VIRMA: variants seen among roughly 807,000 people sequenced by gnomAD.
VIRMA encodes the protein protein virilizer homolog.
VIRMA carries 65 observed loss-of-function variants against 182.4 expected under a neutral mutation model. The observed-to-expected ratio is 0.36, with a 90% CI of 0.29 to 0.44. The LOEUF is 0.44. Ranked by LOEUF, VIRMA falls within the 20% of genes least tolerant of loss-of-function variation. The probability of loss-of-function intolerance (pLI) is 1.00; values close to 1 mark genes in which losing one functional copy is unlikely to be tolerated. For synonymous variants in VIRMA, 709 were observed against 743.1 expected (o/e 0.95, Z 0.75); for missense variants, 1,752 against 2,158.1 (o/e 0.81, Z 3.73).
At chr8:94,545,528 T>C (rs1815728415) in intron 1 of VIRMA, among the ~76,000 whole-genome samples, 2 of 152,238 alleles carry the variant, frequency 1.3e-5, no homozygotes, top group African/African-American at 4.8e-5. Context: ...ATTTATTAAA[T>C]GTCGACTATG....
At chr8:94,532,526 C>T (rs1282953945) in intron 5 of VIRMA, among the ~76,000 whole-genome samples, 1 of 152,170 alleles carries the variant, frequency 6.6e-6, no homozygotes, top group Non-Finnish European at 1.5e-5. Flanking sequence ...GAATAAGCTC[C>T]ATAGATTACA....
intron 22 of VIRMA, among the ~76,000 whole-genome samples, chr8:94,490,653 C>T (rs980064120): frequency 2.0e-5 from 3 of 151,982 alleles, no homozygotes; most frequent in African/African-American, 7.2e-5. Context: ...TCGAGACCAG[C>T]CCGGCCAACA....
intron 8 of VIRMA, among the ~76,000 whole-genome samples, chr8:94,525,976 C>G (rs1006289873): frequency 1.3e-5 from 2 of 152,218 alleles, no homozygotes; most frequent in African/African-American, 4.8e-5. Context: ...CATGCTTATA[C>G]AAGCATCATT....
At chr8:94,541,195 C>T (rs1377140840) in intron 2 of VIRMA, among the ~76,000 whole-genome samples, 1 of 151,432 alleles carries the variant, frequency 6.6e-6, no homozygotes, top group Non-Finnish European at 1.5e-5. Context: ...AATCACAGCT[C>T]ACTGCAACTC....
At chr8:94,501,641 T>G (rs1407898827) in intron 16 of VIRMA, among the ~76,000 whole-genome samples, 1 of 152,184 alleles carries the variant, frequency 6.6e-6, no homozygotes. Flanking sequence ...TAGAATTCAC[T>G]TCTGGTACTG....
chr8:94,503,587 G>A (rs1051735525), intron 16 of VIRMA, among the ~76,000 whole-genome samples: 4 of 152,112 alleles, frequency 2.6e-5, no homozygotes, highest in African/African-American at 9.7e-5. Flanking sequence ...TTGGATCCTG[G>A]AACAGGAAAA....
chr8:94,530,496 C>CAAA (rs35685716), intron 6 of VIRMA, among the ~76,000 whole-genome samples: 1 of 79,074 alleles, frequency 1.3e-5, no homozygotes, highest in African/African-American at 4.1e-5. Flanking sequence ...AAACCTGTCT[C>CAAA]AAAAAAAAAA....
intron 6 of VIRMA, 33 bp downstream of exon 6, chr8:94,530,930 G>T: frequency 6.3e-7 from 1 of 1,586,766 alleles, no homozygotes; most frequent in Non-Finnish European, 8.6e-7. Context: ...TATTAACTAG[G>T]GGGGAAAACC....
intron 16 of VIRMA, among the ~76,000 whole-genome samples, chr8:94,500,661 T>C (rs1813939577): frequency 6.6e-6 from 1 of 150,610 alleles, no homozygotes; most frequent in South Asian, 2.1e-4. Context: ...GTTTCTTTTT[T>C]TTTTTTTTTT....
At chr8:94,510,250 T>C (rs1309299650) in intron 14 of VIRMA, among the ~76,000 whole-genome samples, 167 bp downstream of exon 14, 1 of 152,216 alleles carries the variant, frequency 6.6e-6, no homozygotes, top group Non-Finnish European at 1.5e-5. Flanking sequence ...TTTAAAAGTC[T>C]ACAAGTATTC....
chr8:94,503,457 G>A (rs1315403419), intron 16 of VIRMA, among the ~76,000 whole-genome samples: 1 of 151,992 alleles, frequency 6.6e-6, no homozygotes, highest in Non-Finnish European at 1.5e-5. Flanking sequence ...GAAAATATCA[G>A]ACAAACTCAA....
chr8:94,526,568 A>C lies in VIRMA; in HGVS notation c.1676T>G (p.Phe559Cys). 6.2e-7 allele frequency: 1 copy of C among 1,613,732 alleles called. No homozygotes were observed. ...AGSAILQKCH[F>C]YEVLSEIKRL... ...TTTAATCTCTGACAAGACTTCATAG[A>C]AATGGCATTTTTGGAGAATAGCTGA... Residue 559 changes from phenylalanine to cysteine, a missense_variant, in exon 8 of 24, where the codon TTC becomes TGC. Phe to Cys is a radical substitution (Grantham distance 205). This residue lies in a region of VIRMA where 401 missense variants were observed against 455.1 expected (regional missense o/e 0.88). Coordinates refer to ENST00000297591, the MANE Select transcript of VIRMA (RefSeq NM_015496.5).
intron 1 of VIRMA, chr8:94,546,776 T>C (rs1815782378): frequency 2.6e-6 from 1 of 378,396 alleles, no homozygotes. Flanking sequence ...TTGCATCCTG[T>C]GCTTCTTTCT....
intron 20 of VIRMA, among the ~76,000 whole-genome samples, chr8:94,494,169 C>T (rs986098208): frequency 6.6e-6 from 1 of 152,212 alleles, no homozygotes; most frequent in South Asian, 2.1e-4. Flanking sequence ...AAGTTACATT[C>T]TCTGGCCAAA....
At position 94,534,802 on chromosome 8, in the gene VIRMA, T is replaced by C. The variant is rs143766192; in HGVS notation, c.484+37A>G. ...ATTTTTTTTTTTTAAACCACGGATA[T>C]AAGTTTCACTTGCAAAAGCAAATTT... is the stretch of plus-strand genomic sequence containing the variant. On this transcript the variant is annotated intron_variant, in intron 5 of 23. Transcript: ENST00000297591. 1,094 of 1,604,064 alleles carry C rather than the reference T, an allele frequency of 6.8e-4. 5 individuals carry two copies. The African/African-American group carries it at 0.013, about 19-fold the overall frequency.
intron 6 of VIRMA, among the ~76,000 whole-genome samples, chr8:94,529,871 C>T (rs1301634129): frequency 2.6e-5 from 4 of 152,182 alleles, no homozygotes; most frequent in Non-Finnish European, 5.9e-5. Flanking sequence ...AACTCCTGAC[C>T]TCAGGTAATC....
chr8:94,552,794 C>T (rs966675646), intron 1 of VIRMA, among the ~76,000 whole-genome samples: 2 of 152,122 alleles, frequency 1.3e-5, no homozygotes, highest in South Asian at 2.1e-4. Context: ...CTCAACTCTC[C>T]CCTCTTCGCA....
At chr8:94,514,705 C>T (rs1238407981) in intron 11 of VIRMA, among the ~76,000 whole-genome samples, 164 bp downstream of exon 11, 2 of 152,170 alleles carry the variant, frequency 1.3e-5, no homozygotes, top group East Asian at 1.9e-4. Context: ...TATAATCGCA[C>T]GTCCATCTAT....
chr8:94,510,584 A>G lies in VIRMA; in HGVS notation c.3459T>C (p.Val1153=), dbSNP rs760116929. Reference sequence around the variant, plus strand: ...CTATTTCTTGGAGCAACTTTGCTTGAACATGAAGGTGCATGCTCCACAATT... The same window carrying G: ...CTATTTCTTGGAGCAACTTTGCTTGGACATGAAGGTGCATGCTCCACAATT... ...TRKLWSMHLH[V]QAKLLQEIVR... The change falls in exon 14 of 24, where the codon GTT becomes GTC. Residue 1153 remains valine (V), a synonymous_variant. Transcript: ENST00000297591. 1 of 1,614,166 alleles carries G rather than the reference A, an allele frequency of 6.2e-7. No homozygotes were observed. The highest frequency in any genetic ancestry group is 8.5e-7 in the Non-Finnish European group (1 of 1,180,010).
Sources: gnomAD v4.1 joint callset for allele counts (sites outside exome capture counted in the v4.1 genomes callset) on GRCh38, gnomAD v4.1.1 for gene constraint, gnomAD v4.1.1 regional missense constraint, MANE v1.5 for transcripts, NCBI Gene and HGNC (gene_info 2026-07-23, HGNC 2026-07-21) for gene names.